MROH1: variants seen among roughly 807,000 people sequenced by gnomAD.
MROH1 encodes maestro heat-like repeat-containing protein family member 1.
Under a neutral mutation model 116.5 loss-of-function variants are expected in MROH1, and 117 were observed. The observed-to-expected ratio is 1.00, with a 90% CI of 0.86 to 1.17. MROH1 has a LOEUF of 1.17. Ranked by LOEUF, MROH1 falls within the 50% of genes most tolerant of loss-of-function variation. The pLI is 0.00. For synonymous variants in MROH1, 921 were observed against 583.9 expected, an observed-to-expected ratio of 1.58 and a Z score of -8.32; for missense variants, 1,873 against 1,338.5, an observed-to-expected ratio of 1.40 and a Z score of -6.23.
rs1845152962 is a variant in MROH1 at position 144,261,903 on chromosome 8, G to GCCCAATAAACTCATCTGCT, written c.*168_*186dup. ...ACCCAAGCCCTTCAGTGAGGGATGT[G>GCCCAATAAACTCATCTGCT]CCCAATAAACTCATCTGCTCCCAGC... is the stretch of plus-strand genomic sequence containing the variant. On this transcript the variant is annotated 3_prime_UTR_variant, in exon 44 of 44. Transcript: ENST00000326134. The GCCCAATAAACTCATCTGCT allele has an allele frequency of 3.0e-6, 2 of 662,716 alleles. No homozygotes were observed. The highest frequency in any genetic ancestry group is 5.4e-6 in the Non-Finnish European group (2 of 367,598). The allele number at this position is 662,716 out of a possible 1,614,324, so 41.1% of individuals were successfully genotyped here.
rs1167207035 is a variant in MROH1, at chr8:144,182,507, C to T, written c.562+1984C>T. On this transcript the variant is annotated intron_variant, in intron 7 of 43. Coordinates refer to ENST00000326134, the MANE Select transcript of MROH1 (RefSeq NM_032450.3). This position sits in a 1 kb window ranked among gnomAD's most constrained non-coding sequence, Gnocchi z 4.1. Reference sequence around the variant, plus strand: ...AAAATAAGTGGGCATCATGCATTCACGGGACAAGAGGTGTCACCATGGAGA... The same window carrying T: ...AAAATAAGTGGGCATCATGCATTCATGGGACAAGAGGTGTCACCATGGAGA... Among the ~76,000 whole-genome samples, 5 of 152,236 alleles carry T rather than the reference C, an allele frequency of 3.3e-5. No homozygotes were observed. The highest frequency in any genetic ancestry group is 2.1e-4 in the South Asian group (1 of 4,824).
chr8:144,220,859 A>G (rs550631230), intron 13 of MROH1, among the ~76,000 whole-genome samples, 186 bp downstream of exon 13: 1 of 152,300 alleles, frequency 6.6e-6, no homozygotes, highest in African/African-American at 2.4e-5. Flanking sequence ...CATCTCACTC[A>G]GGAAACAGTC....
At chr8:144,214,712 T>C (rs546650377) in intron 12 of MROH1, among the ~76,000 whole-genome samples, 295 of 152,346 alleles carry the variant, frequency 1.9e-3, no homozygotes, top group African/African-American at 6.8e-3. Flanking sequence ...GGGAGGCAAC[T>C]GCTCATGGCT....
intron 36 of MROH1, 132 bp downstream of exon 36, chr8:144,259,046 C>T (rs1588555891): frequency 1.6e-6 from 1 of 644,156 alleles, no homozygotes; most frequent in Non-Finnish European, 2.8e-6. Flanking sequence ...TGCCTGTTCA[C>T]TCTCTGGGGC....
At chr8:144,184,402 C>G (rs976421616) in intron 7 of MROH1, among the ~76,000 whole-genome samples, 5 of 152,020 alleles carry the variant, frequency 3.3e-5, no homozygotes, top group African/African-American at 4.8e-5. Context: ...GTTACAGTCA[C>G]AAAGCACACA....
intron 29 of MROH1, among the ~76,000 whole-genome samples, chr8:144,246,430 G>A (rs997519858): frequency 3.9e-5 from 6 of 151,918 alleles, no homozygotes; most frequent in Admixed American, 1.3e-4. Context: ...GCGCCCTGCC[G>A]AAACTTTCAT....
At chr8:144,224,753 C>G (rs564139751) in intron 14 of MROH1, among the ~76,000 whole-genome samples, 1 of 152,224 alleles carries the variant, frequency 6.6e-6, no homozygotes, top group African/African-American at 2.4e-5. Flanking sequence ...TTGGGGTGTT[C>G]GCCAGACACA....
In MROH1 at chr8:144,242,527, G is replaced by A. The variant is rs1340051068; in HGVS notation, c.2325+12G>A. ...ACTTCAGCACCAAGGTGGGCACTGC[G>A]GTGGGCCTGCCACGCAGGGGAGCTG... On this transcript the variant is annotated intron_variant, in intron 23 of 43. Coordinates refer to ENST00000326134, the MANE Select transcript of MROH1 (RefSeq NM_032450.3). The A allele has an allele frequency of 1.9e-4, 150 of 780,566 alleles. 3 individuals carry two copies. Among genetic ancestry groups the A allele is most frequent in the South Asian group, 1.8e-3 (136 of 74,614 alleles). 48.4% of individuals were successfully genotyped at this position (780,566 alleles called of 1,614,324 possible).
intron 5 of MROH1, 121 bp downstream of exon 5, chr8:144,179,707 G>C: frequency 7.8e-7 from 1 of 1,288,740 alleles, no homozygotes; most frequent in East Asian, 2.5e-5. Flanking sequence ...CCTTGGGCTG[G>C]CAGATGCCCT....
At chr8:144,168,178 GCT>G (rs755631242) in intron 3 of MROH1, 115 bp from the exon 4 acceptor site, 12 of 1,233,292 alleles carry the variant, frequency 9.7e-6, no homozygotes, top group Non-Finnish European at 1.3e-5. Context: ...GCCCTCTCCT[GCT>G]CTGTGTCTGT....
At chr8:144,178,836 C>T (rs1273856332) in intron 4 of MROH1, among the ~76,000 whole-genome samples, 3 of 152,132 alleles carry the variant, frequency 2.0e-5, no homozygotes, top group Non-Finnish European at 4.4e-5. Context: ...TTGGTGTGTC[C>T]CCAGTTGAGG....
In MROH1 at chr8:144,182,138, GCCGTATCAA is replaced by G. The variant is rs1239539035; in HGVS notation, c.562+1619_562+1627del. Among the ~76,000 whole-genome samples the G allele has an allele frequency of 6.8e-6, 1 of 148,114 alleles. No homozygotes were observed. The highest frequency in any genetic ancestry group is 1.5e-5 in the Non-Finnish European group (1 of 68,040). On this transcript the variant is annotated intron_variant, in intron 7 of 43. Coordinates refer to ENST00000326134, the MANE Select transcript of MROH1 (RefSeq NM_032450.3). The surrounding 1 kb of genome is among the most constrained non-coding windows in gnomAD (Gnocchi z 4.1). ...CTGGAGCAGCCTGGGGCCAGAGGAA[GCCGTATCAA>G]CCGGGTGAGGCCTAGTGGTGGGGGC...
intron 10 of MROH1, 22 bp from the exon 11 acceptor site, chr8:144,199,100 C>T (rs1182526345): frequency 1.2e-6 from 2 of 1,611,022 alleles, no homozygotes; most frequent in Non-Finnish European, 1.7e-6. Flanking sequence ...GGTCTATAAC[C>T]TCGGCCCCGT....
At chr8:144,240,926 A>G in intron 20 of MROH1, 66 bp from the exon 21 acceptor site, 2 of 714,978 alleles carry the variant, frequency 2.8e-6, no homozygotes. Flanking sequence ...GGGCAGCCCC[A>G]TGGCAGCGCT....
intron 7 of MROH1, among the ~76,000 whole-genome samples, chr8:144,189,032 T>C (rs958820571): frequency 6.6e-6 from 1 of 152,230 alleles, no homozygotes; most frequent in Non-Finnish European, 1.5e-5. Flanking sequence ...AGCGGTGTTA[T>C]CTCACATTAA....
intron 11 of MROH1, among the ~76,000 whole-genome samples, 188 bp from the exon 12 acceptor site, chr8:144,200,240 T>A (rs1480713762): frequency 6.6e-6 from 1 of 152,156 alleles, no homozygotes; most frequent in Non-Finnish European, 1.5e-5. Flanking sequence ...GGATAAGGGC[T>A]ACATGTGCTC....
At position 144,153,260 on chromosome 8, in the gene MROH1, G is replaced by A. The variant is rs1817288107; in HGVS notation, c.-177+5184G>A. ...TGCCCAGGCTGAAGTGTAATGGCTC[G>A]ATCTCGGCTCACTGCAACCTCCGCC... On this transcript the variant is annotated intron_variant, in intron 1 of 43. Coordinates refer to ENST00000326134, the MANE Select transcript of MROH1 (RefSeq NM_032450.3). Among the ~76,000 whole-genome samples, 3 of 151,314 alleles carry A rather than the reference G, an allele frequency of 2.0e-5. No individual in the cohort carries two copies. The South Asian group carries it at 6.3e-4, about 32-fold the overall frequency.
At chr8:144,179,320 C>T in intron 4 of MROH1, 135 bp from the exon 5 acceptor site, 1 of 1,279,934 alleles carries the variant, frequency 7.8e-7, no homozygotes. Context: ...GAGGAGTGAT[C>T]AGGTGTACCC....
intron 14 of MROH1, among the ~76,000 whole-genome samples, chr8:144,226,884 T>A (rs1837923934): frequency 6.6e-6 from 1 of 152,236 alleles, no homozygotes; most frequent in Admixed American, 6.5e-5. Context: ...TAATATTCCG[T>A]CTTCCAATCC....
Sources: gnomAD v4.1 joint callset for allele counts (sites outside exome capture counted in the v4.1 genomes callset) on GRCh38, gnomAD v4.1.1 for gene constraint, Gnocchi (gnomAD v3.1) non-coding constraint, MANE v1.5 for transcripts, NCBI Gene and HGNC (gene_info 2026-07-23, HGNC 2026-07-21) for gene names.